Variants in BTF3L4 observed in about 807,000 individuals in gnomAD.
BTF3L4 encodes basic transcription factor 3 like 4.
In BTF3L4, 6 loss-of-function variants were observed where a neutral mutation model predicts 16.8. The ratio of observed to expected loss-of-function variants is 0.36; its 90% CI spans 0.20 to 0.71. The LOEUF (loss-of-function observed/expected upper bound fraction) is 0.71. BTF3L4 is among the 30% of genes least tolerant of loss of function. The pLI is 0.58. For synonymous variants in BTF3L4, 39 were observed against 59.8 expected (o/e 0.65, Z 1.60); for missense variants, 92 against 186.9 (o/e 0.49, Z 2.96).
intron 4 of BTF3L4, among the ~76,000 whole-genome samples, chr1:52,084,488 C>T (rs1643951750): frequency 6.6e-6 from 1 of 151,886 alleles, no homozygotes; most frequent in Non-Finnish European, 1.5e-5. Context: ...TAATTAATGA[C>T]AATCAGAAAA....
chr1:52,075,906 C>T (rs1014167572), intron 3 of BTF3L4, among the ~76,000 whole-genome samples: 16 of 152,012 alleles, frequency 1.1e-4, no homozygotes, highest in African/African-American at 3.6e-4. Context: ...CTCAGGTGAT[C>T]CACCCGCCTC....
intron 3 of BTF3L4, among the ~76,000 whole-genome samples, chr1:52,071,579 G>A (rs1194791809): frequency 1.3e-5 from 2 of 152,168 alleles, no homozygotes; most frequent in Non-Finnish European, 2.9e-5. Context: ...ATTATTCCAG[G>A]TGGGATTGTT....
intron 1 of BTF3L4, among the ~76,000 whole-genome samples, chr1:52,057,547 G>C (rs1686403609): frequency 6.6e-6 from 1 of 152,198 alleles, no homozygotes. Context: ...AGCAGATGTT[G>C]AGATGACATC....
At chr1:52,061,353 T>C (rs548528758) in intron 2 of BTF3L4, among the ~76,000 whole-genome samples, 2 of 151,848 alleles carry the variant, frequency 1.3e-5, no homozygotes, top group Non-Finnish European at 2.9e-5. Flanking sequence ...CCTGGTGTGG[T>C]GGCGCATACG....
At chr1:52,071,349 T>A (rs1033744003) in intron 3 of BTF3L4, 5 of 152,254 alleles carry the variant, frequency 3.3e-5, no homozygotes, top group African/African-American at 1.2e-4. Context: ...CCTTTCTCTG[T>A]ACTTTTACTG....
chr1:52,062,566 T>G (rs1410352672), intron 2 of BTF3L4, among the ~76,000 whole-genome samples: 1 of 152,146 alleles, frequency 6.6e-6, no homozygotes, highest in Non-Finnish European at 1.5e-5. Context: ...CCAGGTAGTT[T>G]GGGATTCCAT....
chr1:52,084,470 T>C (rs1388804004), intron 4 of BTF3L4, among the ~76,000 whole-genome samples: 1 of 152,090 alleles, frequency 6.6e-6, no homozygotes, highest in East Asian at 1.9e-4. Flanking sequence ...TAATTTGATA[T>C]TCACTGCTAA....
At chr1:52,074,924 T>C (rs146069841) in intron 3 of BTF3L4, among the ~76,000 whole-genome samples, 199 of 152,054 alleles carry the variant, frequency 1.3e-3, no homozygotes, top group African/African-American at 4.6e-3. Flanking sequence ...CCTGGCTACT[T>C]TTTAGAATTA....
intron 3 of BTF3L4, among the ~76,000 whole-genome samples, chr1:52,070,565 A>AC (rs1686762328): frequency 6.7e-6 from 1 of 150,204 alleles, no homozygotes; most frequent in South Asian, 2.1e-4. Context: ...CTCAAAAAAA[A>AC]AAAAAACAAA....
intron 4 of BTF3L4, among the ~76,000 whole-genome samples, chr1:52,084,040 A>G (rs1000484154): frequency 2.0e-5 from 3 of 151,744 alleles, no homozygotes; most frequent in Non-Finnish European, 2.9e-5. Context: ...AAAAAAGAAT[A>G]TTCGGAAACA....
chr1:52,066,470 G>A (rs1028213339), intron 3 of BTF3L4, among the ~76,000 whole-genome samples: 3 of 151,154 alleles, frequency 2.0e-5, no homozygotes, highest in Non-Finnish European at 4.4e-5. Context: ...CCAAAGTGCT[G>A]GGATTACAGG....
chr1:52,056,916 T>C (rs1383607152), intron 1 of BTF3L4, among the ~76,000 whole-genome samples: 2 of 152,200 alleles, frequency 1.3e-5, no homozygotes, highest in Non-Finnish European at 2.9e-5. Context: ...ACCGACAGGC[T>C]CAGTGTTGCA....
At chr1:52,058,498 T>C (rs1686430097) in intron 1 of BTF3L4, among the ~76,000 whole-genome samples, 1 of 152,242 alleles carries the variant, frequency 6.6e-6, no homozygotes, top group African/African-American at 2.4e-5. Context: ...GTTTAGAGAA[T>C]TGGCCAAAGA....
At chr1:52,082,774 C>T (rs1273243339) in intron 3 of BTF3L4, among the ~76,000 whole-genome samples, 1 of 151,836 alleles carries the variant, frequency 6.6e-6, no homozygotes, top group African/African-American at 2.4e-5. Context: ...CTAGCAAAAT[C>T]CCTTACAAAG....
At chr1:52,061,622 T>C (rs1212705126) in intron 2 of BTF3L4, among the ~76,000 whole-genome samples, 1 of 149,974 alleles carries the variant, frequency 6.7e-6, no homozygotes, top group Non-Finnish European at 1.5e-5. Flanking sequence ...TGCTTTAATA[T>C]GGTACAGCTA....
At chr1:52,066,832 C>T (rs940162987) in intron 3 of BTF3L4, among the ~76,000 whole-genome samples, 11 of 150,838 alleles carry the variant, frequency 7.3e-5, no homozygotes, top group African/African-American at 2.4e-4. Flanking sequence ...GGCAACAGAG[C>T]GAGACTCCAT....
intron 4 of BTF3L4, 86 bp from the exon 5 acceptor site, chr1:52,086,026 T>A: frequency 1.2e-6 from 1 of 836,354 alleles, no homozygotes; most frequent in Non-Finnish European, 1.8e-6. Context: ...TCTGTGTGAT[T>A]TATACAGGAA....
chr1:52,080,408 T>C (rs1015277915), intron 3 of BTF3L4, among the ~76,000 whole-genome samples: 2 of 151,940 alleles, frequency 1.3e-5, no homozygotes, highest in African/African-American at 2.4e-5. Context: ...TTGAACAATA[T>C]TGATTTCAGA....
At chr1:52,058,023 C>T (rs983894093) in intron 1 of BTF3L4, among the ~76,000 whole-genome samples, 2 of 152,174 alleles carry the variant, frequency 1.3e-5, no homozygotes, top group African/African-American at 4.8e-5. Flanking sequence ...AATGTTTTTC[C>T]TTAGCCCCTT....
Sources: allele counts gnomAD v4.1 joint callset (sites outside exome capture counted in the v4.1 genomes callset), GRCh38; gene constraint gnomAD v4.1.1; transcripts MANE v1.5; gene names NCBI Gene and HGNC (gene_info 2026-07-23, HGNC 2026-07-21).